The following RIN2 variants were observed in gnomAD, a reference collection of about 807,000 sequenced individuals.
RIN2 encodes Ras and Rab interactor 2.
In RIN2, 36 loss-of-function variants were observed where a neutral mutation model predicts 78.0. The ratio of observed to expected loss-of-function variants is 0.46; its 90% CI spans 0.35 to 0.61. RIN2 has a LOEUF of 0.61. Among genes scored for constraint, RIN2 ranks in the 20% least tolerant of loss-of-function variants. RIN2 has a pLI of 0.00. For missense variants in RIN2, 1,087 were observed against 1,159.7 expected (o/e 0.94, Z 0.91); for synonymous variants, 466 against 466.8 (o/e 1.00, Z 0.02).
At chr20:19,838,342 TACTTTTTGTACTTTCTAA>T (rs2036482050) in intron 2 of RIN2, among the ~76,000 whole-genome samples, 1 of 152,194 alleles carries the variant, frequency 6.6e-6, no homozygotes, top group Non-Finnish European at 1.5e-5. Flanking sequence ...ATAAGACTGT[TACTTTTTGTACTTTCTAA>T]AAATTAAAGT....
intron 2 of RIN2, among the ~76,000 whole-genome samples, chr20:19,874,608 C>G (rs1318483149): frequency 6.6e-6 from 1 of 152,160 alleles, no homozygotes; most frequent in East Asian, 1.9e-4. Context: ...TACCTGTCTC[C>G]TTCCCTACAG....
At chr20:19,832,023 A>AGT (rs1305746182) in intron 2 of RIN2, among the ~76,000 whole-genome samples, 2 of 152,204 alleles carry the variant, frequency 1.3e-5, no homozygotes, top group African/African-American at 4.8e-5. Context: ...TGTACCTGGC[A>AGT]GTGTTCCAAG....
intron 2 of RIN2, among the ~76,000 whole-genome samples, chr20:19,887,749 C>T (rs1057051099): frequency 3.3e-5 from 5 of 152,194 alleles, no homozygotes; most frequent in Non-Finnish European, 7.3e-5. Context: ...GAACTTAAGT[C>T]TGGATGAGGA....
intron 2 of RIN2, among the ~76,000 whole-genome samples, chr20:19,873,894 T>C (rs943724995): frequency 6.6e-6 from 1 of 152,240 alleles, no homozygotes; most frequent in Non-Finnish European, 1.5e-5. Flanking sequence ...TCAATAATCA[T>C]GGTGCTTTTG....
At chr20:19,854,726 A>G (rs1450204090) in intron 2 of RIN2, among the ~76,000 whole-genome samples, 1 of 152,144 alleles carries the variant, frequency 6.6e-6, no homozygotes, top group Non-Finnish European at 1.5e-5. Context: ...TTGCACATTG[A>G]TTTTGTATCC....
At chr20:19,968,145 C>T (rs1014878844) in intron 7 of RIN2, among the ~76,000 whole-genome samples, 4 of 152,158 alleles carry the variant, frequency 2.6e-5, no homozygotes, top group Admixed American at 6.5e-5. Flanking sequence ...TTGTCTGTGT[C>T]GTCATCTGCT....
intron 1 of RIN2, among the ~76,000 whole-genome samples, chr20:19,784,442 G>GGTAAATGGATGTTTTAGCACA (rs61054651): frequency 0.037 from 5,602 of 151,866 alleles, 381 homozygotes; most frequent in African/African-American, 0.13. Context: ...AATAGATTTG[G>GGTAAATGGATGTTTTAGCACA]GTAAATGGAT....
At position 19,996,769 on chromosome 20, in the gene RIN2, C is replaced by T; in HGVS notation, c.2291C>T (p.Thr764Ile). 6.2e-7 allele frequency: 1 copy of T among 1,612,948 alleles called. No homozygotes were observed. Among genetic ancestry groups the T allele is most frequent in the Non-Finnish European group, 8.5e-7 (1 of 1,179,464 alleles). ...EQAARLLSSETRDTLRQWHKR... is the reference protein window; with the variant it reads ...EQAARLLSSEIRDTLRQWHKR... ...GCAGCGCGACTGCTCAGCTCAGAAA[C>T]CAGAGACACCCTGAGGCAGTGGCAC... Residue 764 changes from threonine (T) to isoleucine (I), a missense_variant, in exon 12 of 13, where the codon ACC becomes ATC. Physicochemically the swap from Thr to Ile is moderately conservative, Grantham distance 89. Around this residue, in one of 8 missense-constraint regions of RIN2, gnomAD observed 160 missense variants for 179.4 expected, o/e 0.89. Transcript: ENST00000255006.
chr20:19,981,328 A>G (rs199594), intron 9 of RIN2, among the ~76,000 whole-genome samples: 51,963 of 152,008 alleles, frequency 0.34, 9,866 homozygotes, highest in Non-Finnish European at 0.44. Flanking sequence ...ATGACTCATC[A>G]CTGAAATTGT....
chr20:19,872,963 TTAAA>T (rs2037735576), intron 2 of RIN2, among the ~76,000 whole-genome samples: 1 of 152,074 alleles, frequency 6.6e-6, no homozygotes, highest in African/African-American at 2.4e-5. Context: ...AATAAATTAA[TTAAA>T]TGTTTTAAAA....
chr20:19,891,418 A>G (rs2038454852), intron 3 of RIN2, among the ~76,000 whole-genome samples: 1 of 152,236 alleles, frequency 6.6e-6, no homozygotes, highest in South Asian at 2.1e-4. Flanking sequence ...AGCACTGTCT[A>G]GATCAGCCTA....
intron 9 of RIN2, among the ~76,000 whole-genome samples, chr20:19,981,561 A>G (rs1480959704): frequency 1.3e-5 from 2 of 151,952 alleles, no homozygotes; most frequent in African/African-American, 2.4e-5. Flanking sequence ...CCCTGCTTTC[A>G]TTTTTCCTGG....
chr20:19,778,128 G>A (rs187086237), intron 1 of RIN2, among the ~76,000 whole-genome samples: 95 of 152,326 alleles, frequency 6.2e-4, no homozygotes, highest in African/African-American at 2.2e-3. Context: ...TGCAGAGGGC[G>A]TTGCCCCGGG....
intron 1 of RIN2, among the ~76,000 whole-genome samples, chr20:19,785,749 C>T (rs1004297159): frequency 6.6e-6 from 1 of 152,212 alleles, no homozygotes; most frequent in Non-Finnish European, 1.5e-5. Context: ...GTGGATTAAA[C>T]TTTCCAAGGA....
At chr20:19,951,759 C>T (rs1394859725) in intron 4 of RIN2, among the ~76,000 whole-genome samples, 1 of 152,228 alleles carries the variant, frequency 6.6e-6, no homozygotes, top group African/African-American at 2.4e-5. Flanking sequence ...CAAGGTCTCA[C>T]ATGCCCAGCT....
At chr20:19,958,219 C>A (rs2041618436) in intron 5 of RIN2, among the ~76,000 whole-genome samples, 2 of 152,258 alleles carry the variant, frequency 1.3e-5, no homozygotes, top group African/African-American at 2.4e-5. Flanking sequence ...GCTTTCTCAT[C>A]TTTGCAGAGA....
intron 4 of RIN2, among the ~76,000 whole-genome samples, chr20:19,940,356 G>A (rs2040816599): frequency 6.6e-6 from 1 of 152,214 alleles, no homozygotes; most frequent in Admixed American, 6.5e-5. Flanking sequence ...ACCTCTTGCA[G>A]GTGGCCACCA....
chr20:19,879,925 T>C (rs552086898), intron 2 of RIN2, among the ~76,000 whole-genome samples: 1 of 152,298 alleles, frequency 6.6e-6, no homozygotes, highest in East Asian at 1.9e-4. Flanking sequence ...CTCTTTCATT[T>C]CTTTGGTATT....
Position 19,764,604 on chromosome 20 carries a change from A to G in RIN2, c.-163+6277A>G, listed in dbSNP as rs146068628. Among the ~76,000 whole-genome samples, 3 of 152,368 alleles carry G rather than the reference A, an allele frequency of 2.0e-5. No homozygotes were observed. In the East Asian group the frequency reaches 5.8e-4, roughly 29 times the overall value. On this transcript the variant is annotated intron_variant, in intron 1 of 12. Coordinates refer to ENST00000255006, the MANE Select transcript of RIN2 (RefSeq NM_018993.4). ...TACAAAATCTTTAACCTTTTGCATC[A>G]TCAAATGTTTGTGCTTTTTCTTAAA...
Sources: allele counts gnomAD v4.1 joint callset (sites outside exome capture counted in the v4.1 genomes callset), GRCh38; gene constraint gnomAD v4.1.1; regional missense constraint gnomAD v4.1.1; transcripts MANE v1.5; gene names NCBI Gene and HGNC (gene_info 2026-07-23, HGNC 2026-07-21).